Variants in PDLIM2 observed in about 807,000 individuals in gnomAD.
PDLIM2 encodes PDZ and LIM domain protein 2.
Under a neutral mutation model 54.1 loss-of-function variants are expected in PDLIM2, and 51 were observed. That is an observed-to-expected ratio of 0.94 (90% confidence interval 0.75 to 1.19). The LOEUF is 1.19. Ranked by LOEUF, PDLIM2 falls within the 50% of genes most tolerant of loss-of-function variation. PDLIM2 has a pLI of 0.00. For synonymous variants in PDLIM2, 398 were observed against 385.6 expected (o/e 1.03, Z -0.38); for missense variants, 912 against 874.0 (o/e 1.04, Z -0.55).
chr8:22,585,568 G>A (rs1800350472), intron 6 of PDLIM2, 169 bp downstream of exon 5: 3 of 388,058 alleles, frequency 7.7e-6, no homozygotes, highest in South Asian at 6.3e-5. Context: ...CATGCTTCTG[G>A]TCGTGGGCCA....
At chr8:22,597,283 A>C (rs1231220934), downstream of PDLIM2, 1 of 151,640 alleles carries the variant, frequency 6.6e-6, no homozygotes, top group Admixed American at 6.5e-5. Flanking sequence ...AGCATCACTC[A>C]GAGAGCCCTG....
rs1800464522 is a variant in PDLIM2 at position 22,589,296 on chromosome 8, AGGCCGGCCTC to A, written c.1295_1304del (p.Gly432AlafsTer81). The A allele has an allele frequency of 6.5e-7, 1 of 1,533,672 alleles. No homozygotes were observed. Among genetic ancestry groups the A allele is most frequent in the Non-Finnish European group, 8.7e-7 (1 of 1,146,282 alleles). On this transcript the variant is annotated splice_acceptor_variant and coding_sequence_variant, in exon 7 of 10. Coordinates refer to ENST00000308354, the Ensembl canonical transcript of PDLIM2. LOFTEE classifies it high-confidence loss of function. ...TCCTCCCCGGCTGCCTCCTCCCAACAGGCCGGCCTCGGCCGCGCTGGCGACTCGGCGGTGC... is the reference window on the plus strand; with the variant it reads ...TCCTCCCCGGCTGCCTCCTCCCAACAGGCCGCGCTGGCGACTCGGCGGTGC...
At chr8:22,585,707 T>C (rs11994391) in intron 6 of PDLIM2, 73,823 of 110,928 alleles carry the variant, frequency 0.67, 20,526 homozygotes, top group South Asian at 0.72. Flanking sequence ...TCTTGGGCTG[T>C]GGCTGAAATA....
At position 22,586,968 on chromosome 8, in the gene PDLIM2, C is replaced by T. The variant is rs111321508; in HGVS notation, c.1290+1569C>T. ...TTGGGTCGGTCCCACCTCTGCCTGA[C>T]GACTTGGACCAGCCCCCCTTCCTCT... On this transcript the variant is annotated intron_variant, in intron 6 of 9. Coordinates refer to ENST00000308354, the Ensembl canonical transcript of PDLIM2. Among the ~76,000 whole-genome samples, 1,432 of 152,296 alleles carry T rather than the reference C, an allele frequency of 9.4e-3. 22 individuals are homozygous for T. Among genetic ancestry groups the T allele is most frequent in the African/African-American group, 0.032 (1,342 of 41,538 alleles).
At chr8:22,595,693 G>A (rs1252449928), downstream of PDLIM2, 1 of 152,360 alleles carries the variant, frequency 6.6e-6, no homozygotes, top group East Asian at 1.9e-4. Flanking sequence ...GCTGCTGGGG[G>A]GATGCTTAGC....
chr8:22,591,347 C>G, intron 8 of PDLIM2: 1 of 608,830 alleles, frequency 1.6e-6, no homozygotes, highest in Admixed American at 2.6e-5. Flanking sequence ...CAAACTCGGC[C>G]TTGTACCTGC....
chr8:22,587,539 C>T (rs1315492521), intron 6 of PDLIM2, among the ~76,000 whole-genome samples: 2 of 152,140 alleles, frequency 1.3e-5, no homozygotes, highest in East Asian at 1.9e-4. Flanking sequence ...AACATCCTTG[C>T]GTTCCCCAGC....
chr8:22,591,306 G>A (rs1586928932), intron 8 of PDLIM2: 2 of 569,870 alleles, frequency 3.5e-6, no homozygotes, highest in East Asian at 5.9e-5. Context: ...CTGACACTGA[G>A]CACAGATGGC....
At chr8:22,595,590 G>A (rs1377035991), downstream of PDLIM2, 1 of 152,306 alleles carries the variant, frequency 6.6e-6, no homozygotes, top group Admixed American at 6.5e-5. Flanking sequence ...AACGCACCGA[G>A]GAGCGTCCCG....
chr8:22,581,228 C>CAGCT lies in PDLIM2; in HGVS notation c.844-150_844-147dup, dbSNP rs1239602352. On this transcript the variant is annotated intron_variant, in intron 2 of 9. Transcript: ENST00000308354. ...TGCGCTCCTGGAGGGGATGGCTGATCAGCTGGGTGTCATGAGCAGGCAGAG... is the reference window on the plus strand; with the variant it reads ...TGCGCTCCTGGAGGGGATGGCTGATCAGCTAGCTGGGTGTCATGAGCAGGCAGAG... 14 of 989,216 alleles carry CAGCT rather than the reference C, an allele frequency of 1.4e-5. No individual in the cohort carries two copies. The African/African-American group carries it at 2.2e-4, about 16-fold the overall frequency. The allele number at this position is 989,216 out of a possible 1,614,324, so 61.3% of individuals were successfully genotyped here.
exon 10 of PDLIM2, chr8:22,594,192 C>A: frequency 7.1e-7 from 1 of 1,403,134 alleles, no homozygotes; most frequent in South Asian, 1.6e-5. Context: ...TAAGTAGGGT[C>A]GAACACAGAA....
downstream of PDLIM2, chr8:22,597,559 C>T (rs1800705921): frequency 6.5e-6 from 1 of 152,736 alleles, no homozygotes; most frequent in South Asian, 2.1e-4. Context: ...GCTGGCTGGG[C>T]TTCCTGTTTC....
chr8:22,580,722 G>A lies in PDLIM2; in HGVS notation c.843+25G>A, dbSNP rs146928277. 20 of 1,610,976 alleles carry A rather than the reference G, an allele frequency of 1.2e-5. No homozygotes were observed. In the East Asian group the frequency reaches 4.5e-4, roughly 36 times the overall value. On this transcript the variant is annotated intron_variant, in intron 2 of 9. Transcript: ENST00000308354. ...GGTAAGGATGGTGGCTCAAAGAGAT[G>A]AGAAGGTCCTGCCAGAAGCGAGGTC...
At chr8:22,596,534 T>A (rs1483205076), downstream of PDLIM2, 1 of 152,250 alleles carries the variant, frequency 6.6e-6, no homozygotes, top group Non-Finnish European at 1.5e-5. Flanking sequence ...CTAAGCCAGC[T>A]AGCTGCGTGC....
At chr8:22,589,561 G>T in intron 7 of PDLIM2, 35 bp from the exon 7 acceptor site, 3 of 1,582,400 alleles carry the variant, frequency 1.9e-6, no homozygotes, top group East Asian at 2.3e-5. Context: ...GCTCCGGCAC[G>T]GGACCCTCAT....
intron 6 of PDLIM2, 92 bp downstream of exon 5, chr8:22,585,491 C>T (rs1800348626): frequency 7.9e-7 from 1 of 1,264,164 alleles, no homozygotes; most frequent in African/African-American, 1.5e-5. Flanking sequence ...GGCGGCCAGG[C>T]CCACCTGGGC....
intron 3 of PDLIM2, 150 bp downstream of exon 2, chr8:22,581,680 G>C (rs1800210461): frequency 3.5e-6 from 4 of 1,151,436 alleles, no homozygotes; most frequent in Admixed American, 6.2e-5. Context: ...AAGGTCCTGG[G>C]CTCTGCTTCC....
intron 7 of PDLIM2, 73 bp from the exon 7 acceptor site, chr8:22,589,520 TCTC>T (rs1800474931): frequency 4.3e-6 from 6 of 1,403,572 alleles, no homozygotes; most frequent in Admixed American, 2.1e-5. Context: ...CCCACGCTCT[TCTC>T]CTGCCCCCCA....
chr8:22,594,362 G>C (rs1800637723), downstream of PDLIM2: 1 of 1,488,750 alleles, frequency 6.7e-7, no homozygotes, highest in Non-Finnish European at 9.0e-7. Context: ...CCACCACTGG[G>C]TGGAGGGTCT....
Sources: gnomAD v4.1 joint callset for allele counts (sites outside exome capture counted in the v4.1 genomes callset) on GRCh38, gnomAD v4.1.1 for gene constraint, MANE v1.5 for transcripts, NCBI Gene and HGNC (gene_info 2026-07-23, HGNC 2026-07-21) for gene names.